MARVELD3: variants seen among roughly 807,000 people sequenced by gnomAD.
MARVELD3 encodes the protein MARVEL domain containing 3.
Under a neutral mutation model 33.5 loss-of-function variants are expected in MARVELD3, and 28 were observed. That is an observed-to-expected ratio of 0.84 (90% CI 0.62 to 1.15). The LOEUF (loss-of-function observed/expected upper bound fraction) is 1.15. MARVELD3 is among the 50% of genes most tolerant of loss of function. The pLI, the probability that MARVELD3 is intolerant of heterozygous loss-of-function variation, is 0.00. For synonymous variants in MARVELD3, 241 were observed against 230.4 expected, an observed-to-expected ratio of 1.05 and a Z score of -0.42; for missense variants, 582 against 547.6, an observed-to-expected ratio of 1.06 and a Z score of -0.63.
downstream of MARVELD3, among the ~76,000 whole-genome samples, chr16:71,640,205 G>A (rs1438378456): frequency 6.6e-6 from 1 of 151,542 alleles, no homozygotes; most frequent in African/African-American, 2.4e-5. Flanking sequence ...GGAGGTGGAG[G>A]TTGCAGTGAG....
chr16:71,638,215 C>G (rs1201379344), downstream of MARVELD3: 1 of 152,228 alleles, frequency 6.6e-6, no homozygotes, highest in Non-Finnish European at 1.5e-5. Context: ...AGAAGATCTT[C>G]AGTCTGTTGG....
At chr16:71,638,837 T>C (rs1311390078), downstream of MARVELD3, 1 of 152,156 alleles carries the variant, frequency 6.6e-6, no homozygotes, top group East Asian at 1.9e-4. Context: ...ATCTCATGTG[T>C]AGATTTGTGT....
chr16:71,634,950 C>T lies in MARVELD3; in HGVS notation c.*147C>T. The T allele has an allele frequency of 7.0e-7, 1 of 1,435,542 alleles. No individual in the cohort carries two copies. Among genetic ancestry groups the T allele is most frequent in the Admixed American group, 2.9e-5 (1 of 34,962 alleles). The allele number at this position is 1,435,542 out of a possible 1,614,324, so 88.9% of individuals were successfully genotyped here. ...GTGTGGTGGGCGGAGCTCCCAGTCG[C>T]ATGGAGCGGTGTTCATGGATGCAAC... On this transcript the variant is annotated 3_prime_UTR_variant, in exon 3 of 3. Transcript: ENST00000268485.
At chr16:71,640,784 C>T (rs748486817), downstream of MARVELD3, 5 of 1,614,146 alleles carry the variant, frequency 3.1e-6, no homozygotes, top group Non-Finnish European at 3.4e-6. Context: ...AGATCAATAG[C>T]ACCGACACTT....
In MARVELD3 at chr16:71,634,537, G is replaced by C; in HGVS notation, c.940G>C (p.Ala314Pro). ...CGAAGGCTTGTTGGACATGCTCATC[G>C]CGGGGGGGTACATCCCGGCCTTGTA... ...VTEGLLDMLI[A>P]GGYIPALYFY... The change falls in exon 3 of 3, where the codon GCG becomes CCG. Residue 314 changes from alanine to proline, a missense_variant. Transcript: ENST00000268485. 1 of 1,614,142 alleles carries C rather than the reference G, an allele frequency of 6.2e-7. No individual in the cohort carries two copies. The highest frequency in any genetic ancestry group is 1.1e-5 in the South Asian group (1 of 91,080).
rs773514458 is a variant in MARVELD3, at chr16:71,626,202, C to T, written c.-28C>T. 2 of 1,447,150 alleles carry T rather than the reference C, an allele frequency of 1.4e-6. No homozygotes were observed. Among genetic ancestry groups the T allele is most frequent in the Non-Finnish European group, 1.8e-6 (2 of 1,102,412 alleles). The allele number at this position is 1,447,150 out of a possible 1,614,324, so 89.6% of individuals were successfully genotyped here. A position where few individuals can be genotyped will look rare whatever the true frequency, so the allele number is the denominator to read the frequency against. On this transcript the variant is annotated 5_prime_UTR_variant, in exon 1 of 3. Transcript: ENST00000268485. The surrounding 1 kb of genome is among the most constrained non-coding windows in gnomAD (Gnocchi z 5.3). The stretch of plus-strand genomic sequence containing the variant: ...CTTGTTGGTTGTTGCCCTCAGGTCG[C>T]TCCCGGGCGGGGACACGGAACCCGG...
rs2044573735 is a variant in MARVELD3 at position 71,635,334 on chromosome 16, A to C, written c.*531A>C. ...ACAGAGCGAGACTCCATCTCAAAAA[A>C]AAAAAAAAGCAAAAAAACTGGACCC... On this transcript the variant is annotated 3_prime_UTR_variant, in exon 3 of 3. Transcript: ENST00000268485. 1.0e-6 allele frequency: 1 copy of C among 985,732 alleles called. No homozygotes were observed. Among genetic ancestry groups the C allele is most frequent in the African/African-American group, 1.8e-5 (1 of 57,130 alleles). The allele number at this position is 985,732 out of a possible 1,614,324, so 61.1% of individuals were successfully genotyped here. A position where few individuals can be genotyped will look rare whatever the true frequency, so the allele number is the denominator to read the frequency against.
chr16:71,641,887 C>T (rs2044622318), exon 3 of MARVELD3: 1 of 152,218 alleles, frequency 6.6e-6, no homozygotes, highest in South Asian at 2.1e-4. Flanking sequence ...ATAGTAATCT[C>T]ATTACCCTGG....
chr16:71,640,324 G>T (rs1289748154), downstream of MARVELD3: 1 of 1,548,122 alleles, frequency 6.5e-7, no homozygotes, highest in Non-Finnish European at 8.8e-7. Flanking sequence ...GGTGGCCTGT[G>T]GTATGTCTCT....
At chr16:71,638,163 T>G (rs553953726), downstream of MARVELD3, 1 of 152,248 alleles carries the variant, frequency 6.6e-6, no homozygotes, top group African/African-American at 2.4e-5. Flanking sequence ...TAAGAAGGAT[T>G]TGGGGCCTCT....
At chr16:71,629,717 C>A in intron 2 of MARVELD3, 1 of 503,740 alleles carries the variant, frequency 2.0e-6, no homozygotes, top group Non-Finnish European at 3.3e-6. Flanking sequence ...CTTAAACATG[C>A]CCTGGGTTTG....
chr16:71,634,655 G>A lies in MARVELD3; in HGVS notation c.1058G>A (p.Gly353Asp). ...LYQSKGYSGF[G>D]CSFHGADIGA... The stretch of plus-strand genomic sequence containing the variant: ...CAAAGCAAAGGCTACAGCGGTTTCG[G>A]CTGCAGTTTCCACGGAGCAGATATA... Residue 353 changes from glycine to aspartate, a missense_variant, in exon 3 of 3, where the codon GGC becomes GAC. Physicochemically the swap from Gly to Asp is moderately conservative, Grantham distance 94. Coordinates refer to ENST00000268485, the MANE Select transcript of MARVELD3 (RefSeq NM_052858.6). The A allele has an allele frequency of 1.2e-6, 2 of 1,614,218 alleles. No individual in the cohort carries two copies. Among genetic ancestry groups the A allele is most frequent in the East Asian group, 4.5e-5 (2 of 44,886 alleles).
chr16:71,640,310 AT>A, downstream of MARVELD3: 8 of 1,490,246 alleles, frequency 5.4e-6, no homozygotes, highest in Non-Finnish European at 7.3e-6. Flanking sequence ...CGTCCTTAAA[AT>A]CAGGTGGCCT....
At chr16:71,638,609 T>G (rs946699947), downstream of MARVELD3, 1 of 152,226 alleles carries the variant, frequency 6.6e-6, no homozygotes, top group African/African-American at 2.4e-5. Context: ...TCATTTCAAT[T>G]TTTTAGAAAC....
At chr16:71,627,490 C>G (rs1597073341) in intron 1 of MARVELD3, among the ~76,000 whole-genome samples, 1 of 145,548 alleles carries the variant, frequency 6.9e-6, no homozygotes. Flanking sequence ...GGCGACAAAG[C>G]GAGACTCCGT....
At chr16:71,628,285 A>C (rs1313872535) in intron 1 of MARVELD3, among the ~76,000 whole-genome samples, 1 of 152,194 alleles carries the variant, frequency 6.6e-6, no homozygotes, top group African/African-American at 2.4e-5. Context: ...CTGTAATCCC[A>C]GAACTTTGGG....
In MARVELD3 at chr16:71,634,575, C is replaced by T. The variant is rs770276073; in HGVS notation, c.978C>T (p.His326=). The T allele has an allele frequency of 1.4e-5, 22 of 1,614,228 alleles. No individual in the cohort carries two copies. The highest frequency in any genetic ancestry group is 1.9e-5 in the Non-Finnish European group (22 of 1,180,050). The change falls in exon 3 of 3, where the codon CAC becomes CAT. Residue 326 remains histidine, a synonymous_variant. Transcript: ENST00000268485. ...GYIPALYFYF[H]YLSAAYGSPV... is the part of the protein sequence containing the mutation. ...TCCCGGCCTTGTACTTCTACTTCCA[C>T]TACCTCTCTGCTGCCTATGGCTCTC...
intron 2 of MARVELD3, among the ~76,000 whole-genome samples, chr16:71,632,856 C>A (rs2044546457): frequency 6.6e-6 from 1 of 151,960 alleles, no homozygotes; most frequent in Non-Finnish European, 1.5e-5. Flanking sequence ...AGGTGATCTG[C>A]CTGCCTCGGC....
chr16:71,638,974 AC>A (rs1157503284), downstream of MARVELD3: 1 of 149,268 alleles, frequency 6.7e-6, no homozygotes, highest in Non-Finnish European at 1.5e-5. Context: ...CCTGTTGATC[AC>A]CAATCTGGGC....
Sources: allele counts gnomAD v4.1 joint callset (sites outside exome capture counted in the v4.1 genomes callset), GRCh38; gene constraint gnomAD v4.1.1; non-coding constraint Gnocchi (gnomAD v3.1); transcripts MANE v1.5; gene names NCBI Gene and HGNC (gene_info 2026-07-23, HGNC 2026-07-21).